The following SERHL2 variants were observed in gnomAD, a reference collection of about 807,000 sequenced individuals.
The protein encoded by SERHL2 is serine hydrolase like 2.
In SERHL2, 29 loss-of-function variants were observed where a neutral mutation model predicts 25.5. The ratio of observed to expected loss-of-function variants is 1.14; its 90% CI spans 0.85 to 1.55. The LOEUF (loss-of-function observed/expected upper bound fraction) is 1.55. Ranked by LOEUF, SERHL2 falls within the 40% of genes most tolerant of loss-of-function variation. The probability of loss-of-function intolerance (pLI) is 0.00; values close to 1 mark genes in which losing one functional copy is unlikely to be tolerated. For synonymous variants in SERHL2, 95 were observed against 103.5 expected (o/e 0.92, Z 0.50); for missense variants, 240 against 252.3 (o/e 0.95, Z 0.33).
At chr22:42,560,718 C>T (rs1922579558) in intron 8 of SERHL2, among the ~76,000 whole-genome samples, 1 of 151,860 alleles carries the variant, frequency 6.6e-6, no homozygotes, top group South Asian at 2.1e-4. Flanking sequence ...TTGCTTTTTA[C>T]CCAGGAATTT....
At chr22:42,558,932 G>A (rs1922317965) in intron 7 of SERHL2, among the ~76,000 whole-genome samples, 1 of 18,768 alleles carries the variant, frequency 5.3e-5, no homozygotes, top group Admixed American at 5.4e-4. Context: ...CCCCCACTAT[G>A]GCTGATTTGG....
At chr22:42,570,241 G>C (rs1601856229) in intron 9 of SERHL2, among the ~76,000 whole-genome samples, 1 of 152,024 alleles carries the variant, frequency 6.6e-6, no homozygotes. Flanking sequence ...GACCAACATG[G>C]TGAAACCCTG....
chr22:42,570,697 C>T (rs1379898785), intron 9 of SERHL2, among the ~76,000 whole-genome samples: 2 of 152,162 alleles, frequency 1.3e-5, no homozygotes, highest in African/African-American at 2.4e-5. Flanking sequence ...TTTCTTCCTC[C>T]TGGCAAGAAG....
intron 11 of SERHL2, chr22:42,573,462 C>G: frequency 1.2e-5 from 2 of 161,080 alleles, no homozygotes; most frequent in South Asian, 1.7e-4. Context: ...CCAGGATGCT[C>G]TTGATCTCCT....
Position 42,562,750 on chromosome 22 carries a change from A to G in SERHL2, c.613+2485A>G, listed in dbSNP as rs565006587. On this transcript the variant is annotated intron_variant, in intron 8 of 11. Coordinates refer to ENST00000327678, the MANE Select transcript of SERHL2 (RefSeq NM_014509.5). ...TGTGAGCTGGTGGTGCAGGATGGGG[A>G]GAGAGCAGCAGAGATGAGCTCTTTA... 4.5e-4 allele frequency among the ~76,000 whole-genome samples: 69 copies of G among 151,856 alleles called. 2 individuals carry two copies. The South Asian group carries it at 0.014, about 31-fold the overall frequency.
chr22:42,567,714 CTTTAA>C (rs1419312939), intron 9 of SERHL2, among the ~76,000 whole-genome samples: 3 of 149,638 alleles, frequency 2.0e-5, no homozygotes, highest in African/African-American at 5.0e-5. Flanking sequence ...TTCGATTTTT[CTTTAA>C]TTTTATTATT....
intron 9 of SERHL2, among the ~76,000 whole-genome samples, chr22:42,570,682 G>C (rs1013781645): frequency 6.6e-6 from 1 of 152,154 alleles, no homozygotes; most frequent in Non-Finnish European, 1.5e-5. Context: ...TGTGGTCCCA[G>C]CAAGTTTCTT....
chr22:42,573,539 CGT>C lies in SERHL2; in HGVS notation c.826-395_826-394del, dbSNP rs2146774983. On this transcript the variant is annotated intron_variant, in intron 11 of 11. Transcript: ENST00000327678. ...CCTCCCAAAGTGCTGGGAATACAGG[CGT>C]GAGCCACTGCGCCCGGCCCTGTCTG... is the stretch of plus-strand genomic sequence containing the variant. The C allele has an allele frequency of 1.9e-5, 4 of 206,232 alleles. No homozygotes were observed. The South Asian group carries it at 3.3e-4, about 17-fold the overall frequency. The allele number at this position is 206,232 out of a possible 1,614,324, so 12.8% of individuals were successfully genotyped here.
chr22:42,572,217 C>A (rs977849722), intron 10 of SERHL2, among the ~76,000 whole-genome samples: 7 of 152,072 alleles, frequency 4.6e-5, no homozygotes, highest in Non-Finnish European at 1.0e-4. Flanking sequence ...AAAGGCTGTG[C>A]CTTCAGCATT....
At chr22:42,573,766 C>A (rs1924603652) in intron 11 of SERHL2, 170 bp from the exon 12 acceptor site, 1 of 721,244 alleles carries the variant, frequency 1.4e-6, no homozygotes, top group Non-Finnish European at 2.4e-6. Context: ...TCCTGGGGTG[C>A]TATGGACTGT....
At position 42,573,937 on chromosome 22, in the gene SERHL2, A is replaced by G. The variant is rs138265477; in HGVS notation, c.827A>G (p.Gln276Arg). The change falls in exon 12 of 12, where the codon CAG becomes CGG. Residue 276 changes from glutamine (Q) to arginine (R), a missense_variant and splice_region_variant. By Grantham distance (43) the Gln-to-Arg change is conservative. Around this residue, in one of 4 missense-constraint regions of SERHL2, gnomAD observed 212 missense variants for 168.9 expected, o/e 1.25. Transcript: ENST00000327678. ...IDTMKSTLKEQFQFVEVPGNH... is the reference protein window; with the variant it reads ...IDTMKSTLKERFQFVEVPGNH... ...CCACCCACCCCCTCCCCTCTCCAGCAGTTCCAGTTTGTGGAAGTCCCAGGC... is the reference window on the plus strand; with the variant it reads ...CCACCCACCCCCTCCCCTCTCCAGCGGTTCCAGTTTGTGGAAGTCCCAGGC... 5,492 of 1,383,380 alleles carry G rather than the reference A, an allele frequency of 4.0e-3. 89 individuals carry two copies. The highest frequency in any genetic ancestry group is 4.1e-3 in the Non-Finnish European group (4,148 of 1,016,434). The allele number at this position is 1,383,380 out of a possible 1,614,324, so 85.7% of individuals were successfully genotyped here.
chr22:42,564,531 A>G (rs1428726607), intron 8 of SERHL2, among the ~76,000 whole-genome samples: 6 of 151,454 alleles, frequency 4.0e-5, no homozygotes, highest in Non-Finnish European at 7.4e-5. Context: ...TCCTGGGTTC[A>G]AGTAATTCTC....
intron 10 of SERHL2, 118 bp downstream of exon 10, chr22:42,571,321 G>C: frequency 1.3e-6 from 2 of 1,530,512 alleles, no homozygotes; most frequent in South Asian, 2.4e-5. Context: ...ACATCGCTAA[G>C]GCTCAAGATC....
In SERHL2 at chr22:42,560,091, C is replaced by T. The variant is rs1214179579; in HGVS notation, c.534-95C>T. 14 of 896,800 alleles carry T rather than the reference C, an allele frequency of 1.6e-5. No homozygotes were observed. In the African/African-American group the frequency reaches 2.0e-4, roughly 13 times the overall value. The allele number at this position is 896,800 out of a possible 1,614,324, so 55.6% of individuals were successfully genotyped here. A position where few individuals can be genotyped will look rare whatever the true frequency, so the allele number is the denominator to read the frequency against. On this transcript the variant is annotated intron_variant, in intron 7 of 11. Coordinates refer to ENST00000327678, the MANE Select transcript of SERHL2 (RefSeq NM_014509.5). Reference sequence around the variant, plus strand: ...CCTCCCAAAGTGCTGGGATTACAGGCATGAGCCACCGTCCCCCCCGGCCCT... The same window carrying T: ...CCTCCCAAAGTGCTGGGATTACAGGTATGAGCCACCGTCCCCCCCGGCCCT...
At chr22:42,561,928 TA>T (rs1922732026) in intron 8 of SERHL2, among the ~76,000 whole-genome samples, 1 of 151,718 alleles carries the variant, frequency 6.6e-6, no homozygotes, top group Non-Finnish European at 1.5e-5. Context: ...AGAAGTGAGC[TA>T]ATCTGGAATG....
chr22:42,567,718 AATT>A lies in SERHL2; in HGVS notation c.648+1381_648+1383del, dbSNP rs1392026061. On this transcript the variant is annotated intron_variant, in intron 9 of 11. Transcript: ENST00000327678. ...AAAAATAAAAGTTCGATTTTTCTTT[AATT>A]TTATTATTATTATTATTATTATTAT... 6.2e-4 allele frequency among the ~76,000 whole-genome samples: 83 copies of A among 132,892 alleles called. 2 individuals carry two copies. The East Asian group carries it at 0.036, about 58-fold the overall frequency. The allele number at this position is 132,892 out of a possible 152,430, so 87.2% of individuals were successfully genotyped here. A position where few individuals can be genotyped will look rare whatever the true frequency, so the allele number is the denominator to read the frequency against.
chr22:42,554,065 G>GA (rs1921922715), intron 1 of SERHL2, 23 bp downstream of exon 1: 2 of 1,612,058 alleles, frequency 1.2e-6, no homozygotes, highest in Non-Finnish European at 1.7e-6. Flanking sequence ...GGCCTTGTGC[G>GA]AGCGTCCCAC....
At position 42,560,223 on chromosome 22, in the gene SERHL2, G is replaced by C. The variant is rs148540655; in HGVS notation, c.571G>C (p.Gly191Arg). 1.2e-6 allele frequency: 2 copies of C among 1,613,096 alleles called. No individual in the cohort carries two copies. The highest frequency in any genetic ancestry group is 2.2e-5 in the East Asian group (1 of 44,888). Residue 191 changes from glycine to arginine, a missense_variant, in exon 8 of 12, where the codon GGG becomes CGG. This residue lies in a region of SERHL2 where 212 missense variants were observed against 168.9 expected (regional missense o/e 1.25). Coordinates refer to ENST00000327678, the MANE Select transcript of SERHL2 (RefSeq NM_014509.5). ...KSNSHLSEECGELLLQRGTTK... is the reference protein window; with the variant it reads ...KSNSHLSEECRELLLQRGTTK... ...CAATAGCCACTTGAGTGAGGAGTGC[G>C]GGGAGCTTCTCCTGCAAAGAGGAAC...
At chr22:42,572,650 A>G in intron 11 of SERHL2, 121 bp downstream of exon 11, 1 of 1,451,362 alleles carries the variant, frequency 6.9e-7, no homozygotes, top group Admixed American at 2.4e-5. Flanking sequence ...ACAAGTGACC[A>G]CCAGGATCTA....
Sources: gnomAD v4.1 joint callset for allele counts (sites outside exome capture counted in the v4.1 genomes callset) on GRCh38, gnomAD v4.1.1 for gene constraint, gnomAD v4.1.1 regional missense constraint, MANE v1.5 for transcripts, NCBI Gene and HGNC (gene_info 2026-07-23, HGNC 2026-07-21) for gene names.